The following BRS3 variants were observed in gnomAD, a reference collection of about 807,000 sequenced individuals.
BRS3 encodes the protein bombesin receptor subtype-3.
Under a neutral mutation model 18.8 loss-of-function variants are expected in BRS3, and 5 were observed. The observed-to-expected ratio is 0.27, with a 90% CI of 0.14 to 0.56. The LOEUF is 0.56. Among genes scored for constraint, BRS3 ranks in the 20% least tolerant of loss-of-function variants. The probability of loss-of-function intolerance (pLI) is 0.93; values close to 1 mark genes in which losing one functional copy is unlikely to be tolerated. For synonymous variants in BRS3, 121 were observed against 115.0 expected (o/e 1.05, Z -0.33); for missense variants, 215 against 296.3 (o/e 0.73, Z 2.01).
chrX:136,491,856 T>C (rs1409348456), intron 2 of BRS3, 106 bp from the exon 3 acceptor site: 66 of 865,662 alleles, frequency 7.6e-5, no homozygotes, highest in Non-Finnish European at 9.4e-5. Flanking sequence ...ATAGGATAAC[T>C]TTTTAAAATC....
intron 1 of BRS3, 124 bp downstream of exon 1, chrX:136,488,672 G>A: frequency 1.4e-6 from 1 of 698,932 alleles, no homozygotes; most frequent in Non-Finnish European, 2.0e-6. Context: ...GTGGATGTGA[G>A]ATTGGAAAAT....
At position 136,488,304 on chromosome X, in the gene BRS3, G is replaced by T; in HGVS notation, c.190G>T (p.Gly64Ter). The T allele has an allele frequency of 8.3e-7, 1 of 1,211,651 alleles. No individual in the cohort carries two copies. Among genetic ancestry groups the T allele is most frequent in the Non-Finnish European group, 1.1e-6 (1 of 895,430 alleles). Residue 64 changes from glycine to a stop codon, truncating the protein, a stop_gained, in exon 1 of 3, where the codon GGA becomes TGA. Transcript: ENST00000370648. LOFTEE classifies it high-confidence loss of function. ...TGTGATCATTTCAGTGGGCATCCTT[G>T]GAAATGCTATTCTCATCAAAGTCTT... ...YAVIISVGIL[G>*]NAILIKVFFK... is the part of the protein sequence containing the mutation.
At position 136,493,413 on chromosome X, in the gene BRS3, AATT is replaced by A. The variant is rs774825241; in HGVS notation, c.*1042_*1044del. On this transcript the variant is annotated 3_prime_UTR_variant, in exon 3 of 3. Coordinates refer to ENST00000370648, the MANE Select transcript of BRS3 (RefSeq NM_001727.2). ...CTGCTAACATCATTCACTTGTTAAT[AATT>A]ATTGTTTTAAAAAAAAAAACTCTTG... 9.0e-6 allele frequency: 1 copy of A among 111,688 alleles called. No individual in the cohort carries two copies. The highest frequency in any genetic ancestry group is 9.5e-5 in the Admixed American group (1 of 10,501). The allele number at this position is 111,688 out of a possible 1,213,427, so 9.2% of individuals were successfully genotyped here.
rs928372981 is a variant in BRS3, at chrX:136,493,074, G to A, written c.*699G>A. 2.7e-5 allele frequency: 3 copies of A among 112,360 alleles called. No individual in the cohort carries two copies. Among genetic ancestry groups the A allele is most frequent in the African/African-American group, 9.7e-5 (3 of 30,887 alleles). 9.3% of individuals were successfully genotyped at this position (112,360 alleles called of 1,213,427 possible). ...TTGTTAGGAACTTGCCTTATTCATA[G>A]GCAGAATAAGTGGTCATGTTTATGG... is the stretch of plus-strand genomic sequence containing the variant. On this transcript the variant is annotated 3_prime_UTR_variant, in exon 3 of 3. Coordinates refer to ENST00000370648, the MANE Select transcript of BRS3 (RefSeq NM_001727.2).
intron 1 of BRS3, among the ~76,000 whole-genome samples, chrX:136,489,155 G>C (rs1397068947): frequency 8.9e-6 from 1 of 111,740 alleles, no homozygotes; most frequent in Non-Finnish European, 1.9e-5. Context: ...AATTAATCTT[G>C]GTTGACTTTT....
chrX:136,488,330 T>C lies in BRS3; in HGVS notation c.216T>C (p.Phe72=). 1 of 1,212,070 alleles carries C rather than the reference T, an allele frequency of 8.3e-7. No homozygotes were observed. The highest frequency in any genetic ancestry group is 1.1e-6 in the Non-Finnish European group (1 of 895,558). The change falls in exon 1 of 3, where the codon TTT becomes TTC. Residue 72 remains phenylalanine, a synonymous_variant. Transcript: ENST00000370648. Reference sequence around the variant, plus strand: ...GAAATGCTATTCTCATCAAAGTCTTTTTCAAGACCAAATCCATGCAAACAG... The same window carrying C: ...GAAATGCTATTCTCATCAAAGTCTTCTTCAAGACCAAATCCATGCAAACAG... ...ILGNAILIKV[F]FKTKSMQTVP... is the part of the protein sequence containing the mutation.
At chrX:136,488,669 T>A in intron 1 of BRS3, 121 bp downstream of exon 1, 1 of 716,300 alleles carries the variant, frequency 1.4e-6, no homozygotes, top group Non-Finnish European at 2.0e-6. Flanking sequence ...AACGTGGATG[T>A]GAGATTGGAA....
chrX:136,491,911 G>GTTTTTTTTTTT, intron 2 of BRS3, 51 bp from the exon 3 acceptor site: 3 of 600,596 alleles, frequency 5.0e-6, no homozygotes, highest in East Asian at 1.2e-4. Flanking sequence ...GTTGTTTTTT[G>GTTTTTTTTTTT]TGTTTTTTTT....
rs747156038 is a variant in BRS3, at chrX:136,492,360, A to G, written c.1185A>G (p.Ala395=). 1 of 1,206,275 alleles carries G rather than the reference A, an allele frequency of 8.3e-7. No individual in the cohort carries two copies. Among genetic ancestry groups the G allele is most frequent in the South Asian group, 1.8e-5 (1 of 56,403 alleles). Residue 395 remains alanine (A), a synonymous_variant, in exon 3 of 3, where the codon GCA becomes GCG. Transcript: ENST00000370648. ...TSFTGCSVKQ[A]EDRF ...TCACTGGGTGTAGTGTGAAGCAGGC[A>G]GAGGACAGATTCTAGCTTTTCAAGG...
At chrX:136,490,056 C>T (rs754915114) in intron 1 of BRS3, 77 bp from the exon 2 acceptor site, 44 of 845,533 alleles carry the variant, frequency 5.2e-5, no homozygotes, top group Non-Finnish European at 6.9e-5. Flanking sequence ...TGGATGACCA[C>T]TAAGGTCACT....
Position 136,488,430 on chromosome X carries a change from A to G in BRS3, c.316A>G (p.Thr106Ala). ...GCTAACTTGTGTGCCAGTGGATGCA[A>G]CTCACTACCTTGCAGAAGGATGGCT... ...LLLTCVPVDA[T>A]HYLAEGWLFG... The change falls in exon 1 of 3, where the codon ACT becomes GCT. Residue 106 changes from threonine (T) to alanine (A), a missense_variant. This residue lies in a region of BRS3 where 123 missense variants were observed against 207.6 expected (regional missense o/e 0.59). Coordinates refer to ENST00000370648, the MANE Select transcript of BRS3 (RefSeq NM_001727.2). 8.3e-7 allele frequency: 1 copy of G among 1,211,732 alleles called. No homozygotes were observed. The highest frequency in any genetic ancestry group is 1.7e-5 in the African/African-American group (1 of 57,791).
chrX:136,493,421 T>C lies in BRS3; in HGVS notation c.*1046T>C, dbSNP rs2075676570. 1 of 111,494 alleles carries C rather than the reference T, an allele frequency of 9.0e-6. No individual in the cohort carries two copies. The highest frequency in any genetic ancestry group is 1.9e-5 in the Non-Finnish European group (1 of 53,100). 9.2% of individuals were successfully genotyped at this position (111,494 alleles called of 1,213,427 possible). ...ATCATTCACTTGTTAATAATTATTG[T>C]TTTAAAAAAAAAAACTCTTGTCAAT... On this transcript the variant is annotated 3_prime_UTR_variant, in exon 3 of 3. Coordinates refer to ENST00000370648, the MANE Select transcript of BRS3 (RefSeq NM_001727.2).
intron 2 of BRS3, among the ~76,000 whole-genome samples, chrX:136,490,799 AG>A (rs755908464): frequency 3.6e-4 from 41 of 112,353 alleles, no homozygotes; most frequent in African/African-American, 1.2e-3. Context: ...ACTATTAGAG[AG>A]GGGACAATTG....
chrX:136,493,529 AT>A lies in BRS3; in HGVS notation c.*1157del, dbSNP rs1297718001. On this transcript the variant is annotated 3_prime_UTR_variant, in exon 3 of 3. Transcript: ENST00000370648. ...TGTTTGGCACTATAGGTAAATTTGT[AT>A]TTAAAAAAAAAAACAATGTTTGAGT... 9.0e-6 allele frequency: 1 copy of A among 111,556 alleles called. No homozygotes were observed. The highest frequency in any genetic ancestry group is 9.5e-5 in the Admixed American group (1 of 10,539). 9.2% of individuals were successfully genotyped at this position (111,556 alleles called of 1,213,427 possible).
intron 2 of BRS3, among the ~76,000 whole-genome samples, chrX:136,491,660 G>A (rs1186832463): frequency 1.8e-5 from 2 of 111,083 alleles, no homozygotes; most frequent in Admixed American, 1.9e-4. Flanking sequence ...AGAGTATCTC[G>A]AAATTAGGGG....
Position 136,492,430 on chromosome X carries a change from T to C in BRS3, c.*55T>C. ...CCAGCGTGTGTATCCGACTCTAAGC[T>C]GTGTGCAGGTGTATGGTGTCCAGAT... On this transcript the variant is annotated 3_prime_UTR_variant, in exon 3 of 3. Transcript: ENST00000370648. The C allele has an allele frequency of 9.0e-7, 1 of 1,112,985 alleles. No homozygotes were observed. Among genetic ancestry groups the C allele is most frequent in the Non-Finnish European group, 1.2e-6 (1 of 835,103 alleles). The allele number at this position is 1,112,985 out of a possible 1,213,427, so 91.7% of individuals were successfully genotyped here.
rs148325947 is a variant in BRS3, at chrX:136,492,207, G to T, written c.1032G>T (p.Gln344His). The T allele has an allele frequency of 4.9e-5, 59 of 1,209,752 alleles. No individual in the cohort carries two copies. In the African/African-American group the frequency reaches 1.0e-3, roughly 21 times the overall value. ...GCTTCCAGAAGCATTTTAAAGCTCA[G>T]TTGTTCTGTTGCAAGGCGGAGCGGC... ...SKSFQKHFKA[Q>H]LFCCKAERPE... The change falls in exon 3 of 3, where the codon CAG becomes CAT. Residue 344 changes from glutamine (Q) to histidine (H), a missense_variant. By Grantham distance (24) the Gln-to-His change is conservative (BLOSUM62 0). Transcript: ENST00000370648.
rs1315470481 is a variant in BRS3, at chrX:136,492,078, T to C, written c.903T>C (p.Tyr301=). 2 of 1,211,258 alleles carry C rather than the reference T, an allele frequency of 1.7e-6. No homozygotes were observed. Among genetic ancestry groups the C allele is most frequent in the Admixed American group, 4.3e-5 (2 of 45,999 alleles). Residue 301 remains tyrosine, a synonymous_variant, in exon 3 of 3, where the codon TAT becomes TAC. Coordinates refer to ENST00000370648, the MANE Select transcript of BRS3 (RefSeq NM_001727.2). Reference sequence around the variant, plus strand: ...ACCATTCATTCACTTCTCAAACCTATGTAGACCCCTCTGCCATGCATTTCA... The same window carrying C: ...ACCATTCATTCACTTCTCAAACCTACGTAGACCCCTCTGCCATGCATTTCA... The part of the protein sequence containing the change: ...YLYHSFTSQT[Y]VDPSAMHFIF...
chrX:136,491,836 A>T (rs1370967024), intron 2 of BRS3, 126 bp from the exon 3 acceptor site: 4 of 745,402 alleles, frequency 5.4e-6, no homozygotes, highest in Non-Finnish European at 7.2e-6. Flanking sequence ...GTAAATTTCT[A>T]TGTAAATTTA....
Sources: gnomAD v4.1 joint callset for allele counts (sites outside exome capture counted in the v4.1 genomes callset) on GRCh38, gnomAD v4.1.1 for gene constraint, gnomAD v4.1.1 regional missense constraint, MANE v1.5 for transcripts, NCBI Gene and HGNC (gene_info 2026-07-23, HGNC 2026-07-21) for gene names.